Variants in NT5C2 observed in about 807,000 individuals in gnomAD.
The protein encoded by NT5C2 is 5'-nucleotidase, cytosolic II.
Under a neutral mutation model 76.1 loss-of-function variants are expected in NT5C2, and 58 were observed. The ratio of observed to expected loss-of-function variants is 0.76; its 90% CI spans 0.62 to 0.95. The LOEUF is 0.95. Ranked by LOEUF, NT5C2 falls within the 40% of genes least tolerant of loss-of-function variation. The probability of loss-of-function intolerance (pLI) is 0.00; values close to 1 mark genes in which losing one functional copy is unlikely to be tolerated. For missense variants in NT5C2, 478 were observed against 690.3 expected (o/e 0.69, Z 3.45); for synonymous variants, 229 against 237.4 (o/e 0.96, Z 0.32).
At chr10:103,148,300 T>C (rs1468265167) in intron 3 of NT5C2, among the ~76,000 whole-genome samples, 1 of 152,178 alleles carries the variant, frequency 6.6e-6, no homozygotes, top group Non-Finnish European at 1.5e-5. Flanking sequence ...GTTTATCAGA[T>C]TGTGTCAAGA....
At chr10:103,140,632 A>G (rs759143833) in intron 3 of NT5C2, among the ~76,000 whole-genome samples, 5 of 152,212 alleles carry the variant, frequency 3.3e-5, no homozygotes, top group Non-Finnish European at 7.3e-5. Flanking sequence ...CGGTGGCTGC[A>G]TCAATTTACA....
intron 4 of NT5C2, among the ~76,000 whole-genome samples, chr10:103,116,436 T>C (rs1042079316): frequency 2.0e-5 from 3 of 152,186 alleles, no homozygotes; most frequent in Admixed American, 2.0e-4. Flanking sequence ...ACAGAATTAT[T>C]TTATTAACTA....
chr10:103,185,915 C>T (rs1387953984), intron 1 of NT5C2, among the ~76,000 whole-genome samples: 3 of 152,054 alleles, frequency 2.0e-5, no homozygotes, highest in African/African-American at 4.8e-5. Context: ...TGCATGAGTT[C>T]GATGCCTTAA....
At chr10:103,096,442 T>C (rs2068196677) in intron 11 of NT5C2, among the ~76,000 whole-genome samples, 2 of 152,216 alleles carry the variant, frequency 1.3e-5, no homozygotes, top group Non-Finnish European at 2.9e-5. Context: ...GTGGAACTTC[T>C]TGCCAGTACT....
At chr10:103,123,532 T>C (rs990249711) in intron 4 of NT5C2, among the ~76,000 whole-genome samples, 1 of 152,192 alleles carries the variant, frequency 6.6e-6, no homozygotes, top group African/African-American at 2.4e-5. Context: ...TGTACAATGT[T>C]GCTAGTAATC....
At chr10:103,110,126 CTT>C (rs1468432349) in intron 4 of NT5C2, among the ~76,000 whole-genome samples, 1 of 152,118 alleles carries the variant, frequency 6.6e-6, no homozygotes, top group Non-Finnish European at 1.5e-5. Context: ...ATTTAGGTCT[CTT>C]TGAGTCTCCA....
intron 12 of NT5C2, among the ~76,000 whole-genome samples, chr10:103,095,622 T>C (rs1231521264): frequency 2.0e-5 from 3 of 152,336 alleles, no homozygotes; most frequent in East Asian, 1.9e-4. Flanking sequence ...ATTCCTTTCA[T>C]TGCCACACAA....
intron 2 of NT5C2, among the ~76,000 whole-genome samples, chr10:103,177,112 A>G (rs917051635): frequency 1.3e-5 from 2 of 152,158 alleles, no homozygotes; most frequent in African/African-American, 2.4e-5. Flanking sequence ...TAACATACTA[A>G]GCTCAGTCAA....
intron 3 of NT5C2, among the ~76,000 whole-genome samples, chr10:103,162,255 C>T (rs2085104241): frequency 6.6e-6 from 1 of 151,950 alleles, no homozygotes; most frequent in African/African-American, 2.4e-5. Context: ...ACCTCATGAT[C>T]CACCCACCTC....
rs1387628283 is a variant in NT5C2, at chr10:103,156,204, G to C, written c.102-16725C>G. Among the ~76,000 whole-genome samples the C allele has an allele frequency of 9.9e-5, 15 of 152,092 alleles. 1 individual carries two copies. Among genetic ancestry groups the C allele is most frequent in the Non-Finnish European group, 2.2e-4 (15 of 68,012 alleles). On this transcript the variant is annotated intron_variant, in intron 3 of 18. Transcript: ENST00000404739. ...TGAGGAGGACAAGGCTGAAGGTGGGGAGACCTACGGGGGGATACTGCTGTA... is the reference window on the plus strand; with the variant it reads ...TGAGGAGGACAAGGCTGAAGGTGGGCAGACCTACGGGGGGATACTGCTGTA...
At chr10:103,184,179 T>C (rs912090724) in intron 1 of NT5C2, among the ~76,000 whole-genome samples, 1 of 152,198 alleles carries the variant, frequency 6.6e-6, no homozygotes, top group African/African-American at 2.4e-5. Context: ...CTCGAATTCC[T>C]GACCTCAAGT....
At chr10:103,181,868 G>A (rs1040551201) in intron 1 of NT5C2, among the ~76,000 whole-genome samples, 4 of 152,042 alleles carry the variant, frequency 2.6e-5, no homozygotes, top group African/African-American at 7.3e-5. Context: ...TCAGCCAGGC[G>A]TGGTGGCGTA....
At chr10:103,158,027 C>T (rs574434501) in intron 3 of NT5C2, among the ~76,000 whole-genome samples, 10 of 151,434 alleles carry the variant, frequency 6.6e-5, no homozygotes, top group African/African-American at 9.7e-5. Flanking sequence ...GAGCCAGGAT[C>T]GTGCCACTGC....
At chr10:103,148,858 T>TTA (rs1377365412) in intron 3 of NT5C2, among the ~76,000 whole-genome samples, 1 of 152,124 alleles carries the variant, frequency 6.6e-6, no homozygotes, top group Non-Finnish European at 1.5e-5. Flanking sequence ...TGTACCCATA[T>TTA]TATATACCAG....
chr10:103,110,939 T>A (rs1206985650), intron 4 of NT5C2, among the ~76,000 whole-genome samples: 1 of 152,210 alleles, frequency 6.6e-6, no homozygotes, highest in African/African-American at 2.4e-5. Context: ...TGAAGCTAAG[T>A]ACTGCCATTC....
chr10:103,100,648 A>C, intron 8 of NT5C2: 2 of 468,642 alleles, frequency 4.3e-6, no homozygotes, highest in Non-Finnish European at 8.5e-6. Context: ...TGGCCTGGGA[A>C]TGAAATTAAA....
intron 8 of NT5C2, among the ~76,000 whole-genome samples, chr10:103,100,349 T>C (rs748509081): frequency 4.6e-5 from 7 of 152,226 alleles, no homozygotes; most frequent in African/African-American, 9.6e-5. Flanking sequence ...TTAAAATTGG[T>C]CATTTAGGTT....
intron 4 of NT5C2, among the ~76,000 whole-genome samples, chr10:103,130,216 A>T (rs1256145049): frequency 6.6e-6 from 1 of 151,586 alleles, no homozygotes; most frequent in Admixed American, 6.6e-5. Context: ...ACTAAGAAAA[A>T]TTCCTCTGCC....
At chr10:103,191,207 C>A (rs549418213) in intron 1 of NT5C2, among the ~76,000 whole-genome samples, 21 of 152,012 alleles carry the variant, frequency 1.4e-4, no homozygotes, top group African/African-American at 4.6e-4. Context: ...GCCTGACCAA[C>A]TTGGAGAAAC....
Sources: allele counts gnomAD v4.1 joint callset (sites outside exome capture counted in the v4.1 genomes callset), GRCh38; gene constraint gnomAD v4.1.1; transcripts MANE v1.5; gene names NCBI Gene and HGNC (gene_info 2026-07-23, HGNC 2026-07-21).